Variants in CPS1 observed in about 807,000 individuals in gnomAD.
The protein encoded by CPS1 is carbamoyl-phosphate synthase 1.
In CPS1, 109 loss-of-function variants were observed where a neutral mutation model predicts 174.6. The ratio of observed to expected loss-of-function variants is 0.62; its 90% CI spans 0.53 to 0.73. CPS1 has a LOEUF of 0.73. CPS1 is among the 30% of genes least tolerant of loss of function. CPS1 has a pLI of 0.00. For missense variants in CPS1, 1,689 were observed against 1,821.9 expected, an observed-to-expected ratio of 0.93 and a Z score of 1.33; for synonymous variants, 637 against 632.0, an observed-to-expected ratio of 1.01 and a Z score of -0.12.
chr2:210,504,017 G>A (rs2105966008), intron 1 of CPS1, among the ~76,000 whole-genome samples: 1 of 152,212 alleles, frequency 6.6e-6, no homozygotes, highest in African/African-American at 2.4e-5. Context: ...AGGAAGATGT[G>A]TTGTGATTTT....
intron 1 of CPS1, among the ~76,000 whole-genome samples, chr2:210,486,623 GC>G (rs1465527445): frequency 6.6e-6 from 1 of 152,188 alleles, no homozygotes; most frequent in Non-Finnish European, 1.5e-5. Flanking sequence ...CGATTCTCCT[GC>G]CTCAGCCTCC....
At chr2:210,575,481 G>C (rs1318846582) in intron 2 of CPS1, among the ~76,000 whole-genome samples, 4 of 148,736 alleles carry the variant, frequency 2.7e-5, no homozygotes, top group Non-Finnish European at 5.9e-5. Flanking sequence ...TAAGAAATAT[G>C]TGTGTGTGTG....
chr2:210,580,796 G>A (rs1697898311), intron 5 of CPS1, among the ~76,000 whole-genome samples: 1 of 151,390 alleles, frequency 6.6e-6, no homozygotes, highest in Non-Finnish European at 1.5e-5. Context: ...GGGAGGCGGA[G>A]GTTGCAGTGA....
intron 6 of CPS1, among the ~76,000 whole-genome samples, chr2:210,587,672 G>C (rs889574429): frequency 1.3e-5 from 2 of 152,004 alleles, no homozygotes; most frequent in Non-Finnish European, 2.9e-5. Context: ...GGTATTTAAA[G>C]CATGATGTAT....
chr2:210,515,998 A>T (rs1000614740), intron 1 of CPS1, among the ~76,000 whole-genome samples: 1 of 151,786 alleles, frequency 6.6e-6, no homozygotes, highest in Non-Finnish European at 1.5e-5. Flanking sequence ...TATTAATTTC[A>T]TGTAATTCTG....
At chr2:210,513,183 T>A (rs1695576992) in intron 1 of CPS1, among the ~76,000 whole-genome samples, 1 of 143,572 alleles carries the variant, frequency 7.0e-6, no homozygotes, top group Admixed American at 7.0e-5. Context: ...TATATATATA[T>A]CTCTCTCTCT....
At chr2:210,521,279 C>G (rs1695818491) in intron 1 of CPS1, among the ~76,000 whole-genome samples, 1 of 151,728 alleles carries the variant, frequency 6.6e-6, no homozygotes, top group Non-Finnish European at 1.5e-5. Context: ...ATCCTTAATC[C>G]TTAATCATCC....
At chr2:210,595,422 C>A in intron 12 of CPS1, 65 bp from the exon 13 acceptor site, 1 of 1,153,198 alleles carries the variant, frequency 8.7e-7, no homozygotes, top group Non-Finnish European at 1.3e-6. Context: ...CTTCTCCAAT[C>A]TTGAAAATGC....
chr2:210,504,256 G>T (rs1452337841), intron 1 of CPS1, among the ~76,000 whole-genome samples: 3 of 152,062 alleles, frequency 2.0e-5, no homozygotes, highest in South Asian at 2.1e-4. Flanking sequence ...GCAGCATCAG[G>T]TTCCCATCTT....
intron 13 of CPS1, among the ~76,000 whole-genome samples, chr2:210,597,097 T>A (rs1465094180): frequency 2.6e-5 from 4 of 151,926 alleles, no homozygotes; most frequent in Admixed American, 2.6e-4. Context: ...ATATTCATTG[T>A]ATAGAACATT....
At chr2:210,621,285 T>A (rs907253565) in intron 21 of CPS1, among the ~76,000 whole-genome samples, 7 of 152,172 alleles carry the variant, frequency 4.6e-5, no homozygotes, top group Non-Finnish European at 8.8e-5. Flanking sequence ...TTGTGTCATG[T>A]AGGATTCGAA....
intron 1 of CPS1, among the ~76,000 whole-genome samples, chr2:210,540,268 A>G (rs1696363604): frequency 6.6e-6 from 1 of 152,200 alleles, no homozygotes; most frequent in Non-Finnish European, 1.5e-5. Context: ...TGTTGTAATA[A>G]TTCCAAACCA....
At chr2:210,656,741 G>C (rs1700721353) in intron 30 of CPS1, 109 bp downstream of exon 30, 1 of 784,902 alleles carries the variant, frequency 1.3e-6, no homozygotes, top group African/African-American at 1.8e-5. Flanking sequence ...ATATGCTGCA[G>C]GTTAAATTTA....
chr2:210,506,636 T>C (rs1695295945), intron 1 of CPS1, among the ~76,000 whole-genome samples: 1 of 152,150 alleles, frequency 6.6e-6, no homozygotes, highest in East Asian at 1.9e-4. Flanking sequence ...TGAAAAAAGA[T>C]TAGACAAATG....
At chr2:210,572,974 G>A (rs538612929) in intron 1 of CPS1, among the ~76,000 whole-genome samples, 4 of 152,140 alleles carry the variant, frequency 2.6e-5, no homozygotes, top group Non-Finnish European at 5.9e-5. Flanking sequence ...ATGATAAAGG[G>A]GAAAAGACAG....
At chr2:210,513,613 G>T (rs1004242490) in intron 1 of CPS1, among the ~76,000 whole-genome samples, 1 of 151,954 alleles carries the variant, frequency 6.6e-6, no homozygotes, top group East Asian at 1.9e-4. Context: ...TGCATAGTTT[G>T]CAAATATTTT....
intron 21 of CPS1, among the ~76,000 whole-genome samples, chr2:210,632,880 C>T (rs1699912697): frequency 1.3e-5 from 2 of 152,002 alleles, no homozygotes; most frequent in Admixed American, 1.3e-4. Flanking sequence ...ACTAATATAC[C>T]ATTTCAATTT....
upstream of CPS1, chr2:210,555,512 T>C: frequency 2.5e-6 from 1 of 402,728 alleles, no homozygotes; most frequent in Non-Finnish European, 5.0e-6. Context: ...CTTGAATATA[T>C]TAAGTAAGCG....
intron 13 of CPS1, among the ~76,000 whole-genome samples, chr2:210,598,540 G>A (rs367961593): frequency 1.3e-5 from 2 of 149,492 alleles, no homozygotes; most frequent in Non-Finnish European, 1.5e-5. Flanking sequence ...ATGGAAAACA[G>A]AAAAAAAAAG....
Sources: gnomAD v4.1 joint callset for allele counts (sites outside exome capture counted in the v4.1 genomes callset) on GRCh38, gnomAD v4.1.1 for gene constraint, MANE v1.5 for transcripts, NCBI Gene and HGNC (gene_info 2026-07-23, HGNC 2026-07-21) for gene names.